The following RBFOX2 variants were observed in gnomAD, a reference collection of about 807,000 sequenced individuals.
RBFOX2 encodes the protein RNA binding fox-1 homolog 2, also known as RNA binding protein fox-1 homolog 2.
Under a neutral mutation model 49.1 loss-of-function variants are expected in RBFOX2, and 10 were observed. The ratio of observed to expected loss-of-function variants is 0.20; its 90% CI spans 0.13 to 0.35. The LOEUF is 0.35. Ranked by LOEUF, RBFOX2 falls within the 10% of genes least tolerant of loss-of-function variation. The pLI is 1.00. For synonymous variants in RBFOX2, 183 were observed against 187.4 expected (o/e 0.98, Z 0.19); for missense variants, 323 against 486.9 (o/e 0.66, Z 3.17).
chr22:35,766,598 G>A lies in RBFOX2; in HGVS notation c.547-1115C>T, dbSNP rs574456176. ...GCTTCGCCCACCAAATAATATAAAC[G>A]TTTCACATTTAAAAAGAAAGAATGG... On this transcript the variant is annotated intron_variant, in intron 5 of 11. Coordinates refer to ENST00000405409, the Ensembl canonical transcript of RBFOX2. Among the ~76,000 whole-genome samples the A allele has an allele frequency of 5.3e-5, 8 of 152,104 alleles. No homozygotes were observed. In the East Asian group the frequency reaches 1.3e-3, roughly 26 times the overall value.
At chr22:35,938,724 C>A in intron 1 of RBFOX2, 123 bp downstream of exon 2, 1 of 897,644 alleles carries the variant, frequency 1.1e-6, no homozygotes, top group Admixed American at 2.2e-5. Context: ...AAATTCACTG[C>A]TGAAACAAGC....
chr22:35,924,706 T>C (rs1174638496), intron 1 of RBFOX2, among the ~76,000 whole-genome samples: 1 of 152,232 alleles, frequency 6.6e-6, no homozygotes, highest in Non-Finnish European at 1.5e-5. Context: ...GAAGTTGAGT[T>C]TATTTAATTT....
At chr22:35,794,925 T>C (rs943930906) in intron 2 of RBFOX2, among the ~76,000 whole-genome samples, 1 of 152,108 alleles carries the variant, frequency 6.6e-6, no homozygotes, top group African/African-American at 2.4e-5. Flanking sequence ...AACCAAGGCA[T>C]GCAAAGAGAA....
At chr22:35,906,029 T>C (rs972885047) in intron 1 of RBFOX2, among the ~76,000 whole-genome samples, 1 of 152,216 alleles carries the variant, frequency 6.6e-6, no homozygotes, top group Non-Finnish European at 1.5e-5. Context: ...GTCAGGTATA[T>C]ATCTAGGTTT....
intron 1 of RBFOX2, among the ~76,000 whole-genome samples, chr22:35,878,013 C>T (rs2149259322): frequency 6.7e-6 from 1 of 148,552 alleles, no homozygotes; most frequent in East Asian, 2.0e-4. Flanking sequence ...ATTTTACATA[C>T]ATATACATAC....
At chr22:35,746,494 G>A (rs746650780) in exon 10 of RBFOX2, 1 of 1,608,024 alleles carries the variant, frequency 6.2e-7, no homozygotes, top group South Asian at 1.1e-5. Flanking sequence ...AGCGGCTGCA[G>A]CGGCTGCAGC....
At chr22:35,840,913 A>G (rs1958657457), upstream of RBFOX2, among the ~76,000 whole-genome samples, 3 of 152,232 alleles carry the variant, frequency 2.0e-5, no homozygotes, top group Non-Finnish European at 4.4e-5. Flanking sequence ...GTGAAAAGCT[A>G]TTACATGACC....
chr22:35,830,130 A>C (rs1956510398), intron 1 of RBFOX2, among the ~76,000 whole-genome samples: 1 of 152,254 alleles, frequency 6.6e-6, no homozygotes, highest in Non-Finnish European at 1.5e-5. Context: ...ACATTTCAAA[A>C]GAGGACACTA....
intron 1 of RBFOX2, among the ~76,000 whole-genome samples, chr22:35,945,026 G>T (rs546498886): frequency 1.3e-5 from 2 of 152,256 alleles, no homozygotes; most frequent in Non-Finnish European, 2.9e-5. Context: ...GAAAGGGGAA[G>T]AATAATGAAA....
chr22:36,018,212 C>G (rs935344476), intron 1 of RBFOX2, among the ~76,000 whole-genome samples: 3 of 152,170 alleles, frequency 2.0e-5, no homozygotes, highest in Admixed American at 6.5e-5. Context: ...GGCAGACATT[C>G]AATCAAGTAT....
chr22:35,985,926 A>G (rs1020324374), intron 1 of RBFOX2, among the ~76,000 whole-genome samples: 8 of 151,836 alleles, frequency 5.3e-5, no homozygotes, highest in African/African-American at 1.9e-4. Context: ...ATAGATAGAT[A>G]GATAGATAGA....
chr22:35,970,714 A>C (rs1271355983), intron 1 of RBFOX2, among the ~76,000 whole-genome samples: 1 of 152,188 alleles, frequency 6.6e-6, no homozygotes, highest in East Asian at 1.9e-4. Flanking sequence ...AGAGGACAAA[A>C]GGGACACAAA....
chr22:35,982,862 G>C (rs2057530665), intron 1 of RBFOX2, among the ~76,000 whole-genome samples: 1 of 150,668 alleles, frequency 6.6e-6, no homozygotes, highest in Admixed American at 6.6e-5. Flanking sequence ...AGCAACAAGA[G>C]AGTGTGGCCT....
intron 2 of RBFOX2, among the ~76,000 whole-genome samples, chr22:35,803,459 T>C (rs1950134992): frequency 6.6e-6 from 1 of 152,140 alleles, no homozygotes; most frequent in South Asian, 2.1e-4. Context: ...GAGAACTCCT[T>C]GAGCCCAGGA....
chr22:36,012,186 A>G (rs959254844), intron 1 of RBFOX2, among the ~76,000 whole-genome samples: 1 of 152,224 alleles, frequency 6.6e-6, no homozygotes, highest in Non-Finnish European at 1.5e-5. Flanking sequence ...TTTCAATATT[A>G]AATATACGGC....
chr22:35,965,067 G>T (rs2056478140), upstream of RBFOX2, among the ~76,000 whole-genome samples: 1 of 152,208 alleles, frequency 6.6e-6, no homozygotes, highest in Non-Finnish European at 1.5e-5. Context: ...GCTATGCGTG[G>T]TATTCAATAT....
At chr22:35,942,632 A>C (rs1415831997), upstream of RBFOX2, among the ~76,000 whole-genome samples, 5 of 151,670 alleles carry the variant, frequency 3.3e-5, no homozygotes, top group African/African-American at 1.2e-4. Flanking sequence ...CTCAAGCAGA[A>C]ATGGCTAGCT....
chr22:35,900,527 C>T (rs2048439515), intron 1 of RBFOX2, among the ~76,000 whole-genome samples: 1 of 150,530 alleles, frequency 6.6e-6, no homozygotes, highest in Non-Finnish European at 1.5e-5. Context: ...AGAGACAATA[C>T]AGACTCACCA....
chr22:35,974,349 G>C (rs763704993), intron 1 of RBFOX2, among the ~76,000 whole-genome samples: 2 of 152,016 alleles, frequency 1.3e-5, no homozygotes, highest in African/African-American at 4.8e-5. Flanking sequence ...TCCTACATTC[G>C]TTCTCGTCTA....
Sources: gnomAD v4.1 joint callset for allele counts (sites outside exome capture counted in the v4.1 genomes callset) on GRCh38, gnomAD v4.1.1 for gene constraint, MANE v1.5 for transcripts, NCBI Gene and HGNC (gene_info 2026-07-23, HGNC 2026-07-21) for gene names.